The following SLC6A14 variants were observed in gnomAD, a reference collection of about 807,000 sequenced individuals.
SLC6A14 encodes sodium- and chloride-dependent neutral and basic amino acid transporter B(0+).
SLC6A14 carries 21 observed loss-of-function variants against 51.4 expected under a neutral mutation model. The observed-to-expected ratio is 0.41, with a 90% CI of 0.29 to 0.59. SLC6A14 has a LOEUF of 0.59. SLC6A14 is among the 20% of genes least tolerant of loss of function. The probability of loss-of-function intolerance (pLI) is 0.31; values close to 1 mark genes in which losing one functional copy is unlikely to be tolerated. For synonymous variants in SLC6A14, 177 were observed against 160.7 expected (o/e 1.10, Z -0.77); for missense variants, 371 against 472.8 (o/e 0.78, Z 2.00).
rs1326956565 is a variant in SLC6A14 at position 116,451,451 on chromosome X, G to A, written c.940G>A (p.Asp314Asn). 2 of 1,198,026 alleles carry A rather than the reference G, an allele frequency of 1.7e-6. No individual in the cohort carries two copies. Among genetic ancestry groups the A allele is most frequent in the African/African-American group, 1.8e-5 (1 of 56,876 alleles). The change falls in exon 8 of 14, where the codon GAT (aspartate) becomes AAT (asparagine). Residue 314 changes from aspartate (D) to asparagine (N), a missense_variant. By Grantham distance (23) the Asp-to-Asn change is conservative. Coordinates refer to ENST00000598581, the MANE Select transcript of SLC6A14 (RefSeq NM_007231.5). ...TTATTTTCTCTTATAGGTATGGAAA[G>A]ATGCTGCCACTCAGATATTTTACTC... ...TKLKEAEVWKDAATQIFYSLS... is the reference protein window; with the variant it reads ...TKLKEAEVWKNAATQIFYSLS...
intron 3 of SLC6A14, among the ~76,000 whole-genome samples, 174 bp from the exon 4 acceptor site, chrX:116,442,513 C>T (rs184528350): frequency 2.7e-5 from 3 of 111,929 alleles, no homozygotes; most frequent in East Asian, 2.8e-4. Context: ...GATCCACCCT[C>T]CTCAGCCTTG....
Position 116,446,796 on chromosome X carries a change from G to T in SLC6A14, c.845G>T (p.Arg282Leu). The change falls in exon 7 of 14, where the codon CGA becomes CTA. Residue 282 changes from arginine (R) to leucine (L), a missense_variant. By Grantham distance (102) the Arg-to-Leu change is moderately radical (BLOSUM62 -2). Coordinates refer to ENST00000598581, the MANE Select transcript of SLC6A14 (RefSeq NM_007231.5). The stretch of plus-strand genomic sequence containing the variant: ...GTGGTCCTACTCATCCTGTTAGTAC[G>T]AGGTGCAACTCTGGAGGGTGCTTCA... ...PYVVLLILLVRGATLEGASKG... is the reference protein window; with the variant it reads ...PYVVLLILLVLGATLEGASKG... 1 of 1,199,328 alleles carries T rather than the reference G, an allele frequency of 8.3e-7. No homozygotes were observed. The highest frequency in any genetic ancestry group is 1.1e-6 in the Non-Finnish European group (1 of 884,727).
At position 116,455,172 on chromosome X, in the gene SLC6A14, A is replaced by G. The variant is rs1393055449; in HGVS notation, c.1504+96A>G. On this transcript the variant is annotated intron_variant, in intron 11 of 13. Transcript: ENST00000598581. Reference sequence around the variant, plus strand: ...TTACCTAATTATACTATTAATTTTTATACTATTATAATAGCAAAGTACAAT... The same window carrying G: ...TTACCTAATTATACTATTAATTTTTGTACTATTATAATAGCAAAGTACAAT... 3 of 640,399 alleles carry G rather than the reference A, an allele frequency of 4.7e-6. No homozygotes were observed. The East Asian group carries it at 1.1e-4, about 23-fold the overall frequency. 52.8% of individuals were successfully genotyped at this position (640,399 alleles called of 1,213,427 possible). A position where few individuals can be genotyped will look rare whatever the true frequency, so the allele number is the denominator to read the frequency against.
At chrX:116,445,806 G>T (rs1376071752) in intron 6 of SLC6A14, among the ~76,000 whole-genome samples, 6 of 111,084 alleles carry the variant, frequency 5.4e-5, no homozygotes, top group Admixed American at 4.8e-4. Flanking sequence ...TTTCCCTAAA[G>T]GTGGAGGACA....
intron 7 of SLC6A14, among the ~76,000 whole-genome samples, chrX:116,449,556 C>T (rs1256529328): frequency 9.0e-6 from 1 of 111,682 alleles, no homozygotes; most frequent in Non-Finnish European, 1.9e-5. Context: ...ATGATCTATC[C>T]CAAAAGAGTT....
At chrX:116,453,411 T>C (rs1180657864) in intron 9 of SLC6A14, among the ~76,000 whole-genome samples, 3 of 39,750 alleles carry the variant, frequency 7.5e-5, no homozygotes, top group African/African-American at 2.2e-4. Flanking sequence ...TTTCTTTTCC[T>C]AATACAATCA....
chrX:116,448,909 C>T (rs1927768133), intron 7 of SLC6A14, among the ~76,000 whole-genome samples: 2 of 111,784 alleles, frequency 1.8e-5, no homozygotes, highest in South Asian at 3.7e-4. Flanking sequence ...CTCTCCAACA[C>T]GACATGACCC....
At position 116,457,599 on chromosome X, in the gene SLC6A14, A is replaced by T; in HGVS notation, c.1615-10A>T. On this transcript the variant is annotated splice_polypyrimidine_tract_variant and intron_variant, in intron 12 of 13. Coordinates refer to ENST00000598581, the MANE Select transcript of SLC6A14 (RefSeq NM_007231.5). ...CTTTAGCTTTGTCTTTGCATATTTA[A>T]CTTTGACAGGCAATATTTATCTGGT... is the stretch of plus-strand genomic sequence containing the variant. 1 of 1,198,872 alleles carries T rather than the reference A, an allele frequency of 8.3e-7. No homozygotes were observed. Among genetic ancestry groups the T allele is most frequent in the Non-Finnish European group, 1.1e-6 (1 of 887,223 alleles).
chrX:116,441,079 A>C lies in SLC6A14; in HGVS notation c.328A>C (p.Ile110Leu). Residue 110 changes from isoleucine (I) to leucine (L), a missense_variant, in exon 3 of 14, where the codon ATT becomes CTT. Around this residue, in one of 2 missense-constraint regions of SLC6A14, gnomAD observed 277 missense variants for 391.8 expected, o/e 0.71. Coordinates refer to ENST00000598581, the MANE Select transcript of SLC6A14 (RefSeq NM_007231.5). ...CTTAGGTCCAGTTTCAGTTTGGAGG[A>C]TTCTTCCATTGTTTCAAGGTTGGTA... Reference protein sequence around the residue: ...ASLGPVSVWRILPLFQGVGIT... With the variant: ...ASLGPVSVWRLLPLFQGVGIT... 8.3e-7 allele frequency: 1 copy of C among 1,210,183 alleles called. No homozygotes were observed. The highest frequency in any genetic ancestry group is 1.7e-5 in the African/African-American group (1 of 57,628).
chrX:116,439,907 C>G (rs889437898), intron 2 of SLC6A14, among the ~76,000 whole-genome samples: 1 of 110,541 alleles, frequency 9.0e-6, no homozygotes, highest in East Asian at 2.8e-4. Flanking sequence ...TTTATAGACT[C>G]ATTTTTAGTA....
chrX:116,445,770 A>G (rs1263968429), intron 6 of SLC6A14, among the ~76,000 whole-genome samples: 2 of 111,497 alleles, frequency 1.8e-5, no homozygotes, highest in African/African-American at 6.5e-5. Context: ...AAAAATGTCT[A>G]TGTGTTTTTA....
At chrX:116,452,864 G>A (rs1205087668) in intron 8 of SLC6A14, among the ~76,000 whole-genome samples, 153 bp from the exon 9 acceptor site, 1 of 111,684 alleles carries the variant, frequency 9.0e-6, no homozygotes, top group Non-Finnish European at 1.9e-5. Flanking sequence ...ATTCAATATT[G>A]TAAAAAGGGA....
In SLC6A14 at chrX:116,459,665, T is replaced by C. The variant is rs1455214758; in HGVS notation, c.*710T>C. Reference sequence around the variant, plus strand: ...TGAGTTTTGAGTACCTCTTTTCCCATATACAATCTTCCTTCCTTAGGTAAT... The same window carrying C: ...TGAGTTTTGAGTACCTCTTTTCCCACATACAATCTTCCTTCCTTAGGTAAT... On this transcript the variant is annotated 3_prime_UTR_variant, in exon 14 of 14. Coordinates refer to ENST00000598581, the MANE Select transcript of SLC6A14 (RefSeq NM_007231.5). 2 of 112,032 alleles carry C rather than the reference T, an allele frequency of 1.8e-5. No homozygotes were observed. The highest frequency in any genetic ancestry group is 3.8e-5 in the Non-Finnish European group (2 of 53,071). The allele number at this position is 112,032 out of a possible 1,213,427, so 9.2% of individuals were successfully genotyped here.
At position 116,454,983 on chromosome X, in the gene SLC6A14, A is replaced by G. The variant is rs1556694661; in HGVS notation, c.1411A>G (p.Ile471Val). The change falls in exon 11 of 14, where the codon ATT becomes GTT. Residue 471 changes from isoleucine (I) to valine (V), a missense_variant. Physicochemically the swap from Ile to Val is conservative, Grantham distance 29. Around this residue, in one of 2 missense-constraint regions of SLC6A14, gnomAD observed 277 missense variants for 391.8 expected, o/e 0.71. Coordinates refer to ENST00000598581, the MANE Select transcript of SLC6A14 (RefSeq NM_007231.5). ...ATTAACATTTTTTTGGTAGGCTGGA[A>G]TTTACTGGGTTCATCTGATTGACCA... ...LGLVCVTQAGIYWVHLIDHFC... is the reference protein window; with the variant it reads ...LGLVCVTQAGVYWVHLIDHFC... The G allele has an allele frequency of 8.4e-7, 1 of 1,195,923 alleles. No homozygotes were observed. The highest frequency in any genetic ancestry group is 2.2e-5 in the Admixed American group (1 of 44,691).
chrX:116,452,100 C>T (rs1330097981), intron 8 of SLC6A14, among the ~76,000 whole-genome samples: 7 of 111,818 alleles, frequency 6.3e-5, no homozygotes, highest in Non-Finnish European at 9.4e-5. Context: ...CCTAACTTTA[C>T]GGATATTAGC....
chrX:116,443,266 T>C (rs1205938237), intron 4 of SLC6A14, among the ~76,000 whole-genome samples: 6 of 111,821 alleles, frequency 5.4e-5, no homozygotes, highest in African/African-American at 1.9e-4. Context: ...GATAAATTTA[T>C]AAATATTTAA....
intron 4 of SLC6A14, among the ~76,000 whole-genome samples, chrX:116,443,137 A>G (rs782399473): frequency 9.0e-6 from 1 of 111,353 alleles, no homozygotes; most frequent in East Asian, 2.8e-4. Flanking sequence ...TATCTAGGAT[A>G]GTTGTGTGTG....
intron 3 of SLC6A14, among the ~76,000 whole-genome samples, chrX:116,441,378 AT>A (rs1927594802): frequency 8.9e-6 from 1 of 111,877 alleles, no homozygotes; most frequent in Admixed American, 9.5e-5. Context: ...TTATTTTCCT[AT>A]TTTCACCCTG....
intron 1 of SLC6A14, 48 bp from the exon 2 acceptor site, chrX:116,437,742 A>C: frequency 8.8e-7 from 1 of 1,134,166 alleles, no homozygotes; most frequent in South Asian, 2.0e-5. Context: ...GCTTCTGTGG[A>C]ATTTGTAATG....
Sources: gnomAD v4.1 joint callset for allele counts (sites outside exome capture counted in the v4.1 genomes callset) on GRCh38, gnomAD v4.1.1 for gene constraint, gnomAD v4.1.1 regional missense constraint, MANE v1.5 for transcripts, NCBI Gene and HGNC (gene_info 2026-07-23, HGNC 2026-07-21) for gene names.